The following ATRX variants were observed in gnomAD, a reference collection of about 807,000 sequenced individuals.
ATRX encodes the protein ATRX chromatin remodeler.
A neutral mutation model predicts 172.6 loss-of-function variants in ATRX; 12 were observed. That is an observed-to-expected ratio of 0.07 (90% CI 0.04 to 0.11). The LOEUF (loss-of-function observed/expected upper bound fraction) is 0.11, where lower values mean the gene tolerates loss of function less well. ATRX is among the 10% of genes least tolerant of loss of function. ATRX has a pLI of 1.00. For synonymous variants in ATRX, 674 were observed against 594.7 expected, an observed-to-expected ratio of 1.13 and a Z score of -1.94; for missense variants, 1,368 against 1,767.4, an observed-to-expected ratio of 0.77 and a Z score of 4.05.
intron 12 of ATRX, among the ~76,000 whole-genome samples, chrX:77,661,648 GCAA>G (rs1338131073): frequency 1.6e-4 from 18 of 110,535 alleles, no homozygotes; most frequent in Admixed American, 2.9e-4. Flanking sequence ...GCCCACCACA[GCAA>G]CAACAAAAAA....
intron 22 of ATRX, 88 bp from the exon 23 acceptor site, chrX:77,600,652 T>C (rs1557086683): frequency 9.7e-7 from 1 of 1,027,326 alleles, no homozygotes; most frequent in East Asian, 3.1e-5. Context: ...ACTTGTGACA[T>C]AAACACTTTT....
chrX:77,717,242 C>T lies in ATRX; in HGVS notation c.22G>A (p.Glu8Lys), dbSNP rs2073484080. ...TGCACCAATGTATTCAACTTGCTTT[C>T]ACTATTAAAACAAAATTTAAAGAAT... MTAEPMS[E>K]SKLNTLVQKL... The change falls in exon 2 of 35, where the codon GAA becomes AAA. Residue 8 changes from glutamate to lysine, a missense_variant and splice_region_variant. Coordinates refer to ENST00000373344, the MANE Select transcript of ATRX (RefSeq NM_000489.6). 1.7e-6 allele frequency: 2 copies of T among 1,191,220 alleles called. No homozygotes were observed. Among genetic ancestry groups the T allele is most frequent in the African/African-American group, 3.5e-5 (2 of 57,407 alleles).
Position 77,682,469 on chromosome X carries a change from C to G in ATRX, c.2787G>C (p.Glu929Asp), listed in dbSNP as rs782283059. 10 of 1,211,333 alleles carry G rather than the reference C, an allele frequency of 8.3e-6. No homozygotes were observed. Among genetic ancestry groups the G allele is most frequent in the Middle Eastern group, 4.6e-4 (2 of 4,354 alleles). The change falls in exon 9 of 35, where the codon GAG becomes GAC. Residue 929 changes from glutamate (E) to aspartate (D), a missense_variant. Glu to Asp is a conservative substitution (Grantham distance 45). Transcript: ENST00000373344. The part of the protein sequence containing the change: ...DGVDKLSGKE[E>D]SFTSLEVRKV... The stretch of plus-strand genomic sequence containing the variant: ...TTCTAACTTCCAAAGAAGTAAAACT[C>G]TCCTCTTTCCCAGAAAGCTTATCGA...
intron 1 of ATRX, among the ~76,000 whole-genome samples, chrX:77,725,784 TCAAA>T (rs1284760696): frequency 9.0e-6 from 1 of 110,982 alleles, no homozygotes; most frequent in Non-Finnish European, 1.9e-5. Context: ...AAGAAAAAAA[TCAAA>T]CAACCCCATC....
intron 1 of ATRX, among the ~76,000 whole-genome samples, chrX:77,736,618 A>G (rs2074580373): frequency 8.9e-6 from 1 of 112,738 alleles, no homozygotes; most frequent in South Asian, 3.6e-4. Context: ...ACAGTTGGCA[A>G]CAACGTGAAA....
intron 1 of ATRX, among the ~76,000 whole-genome samples, chrX:77,738,248 T>C (rs1238923257): frequency 9.3e-6 from 1 of 107,609 alleles, no homozygotes; most frequent in Non-Finnish European, 1.9e-5. Context: ...GGTGGGAAGA[T>C]TGCTTGACCC....
intron 1 of ATRX, among the ~76,000 whole-genome samples, chrX:77,752,896 G>A (rs75738219): frequency 3.6e-5 from 4 of 111,698 alleles, no homozygotes; most frequent in African/African-American, 6.5e-5. Context: ...TTTTCACATC[G>A]ATGGTCATCA....
chrX:77,704,120 G>A (rs1445842158), intron 2 of ATRX, among the ~76,000 whole-genome samples: 9 of 110,388 alleles, frequency 8.2e-5, no homozygotes, highest in South Asian at 3.9e-4. Flanking sequence ...TCTCTCCTTC[G>A]TCTCTGCAGC....
intron 27 of ATRX, among the ~76,000 whole-genome samples, chrX:77,576,695 T>A (rs1205452708): frequency 9.0e-6 from 1 of 111,469 alleles, no homozygotes; most frequent in African/African-American, 3.3e-5. Flanking sequence ...CATATATTTA[T>A]GAGACAGACA....
At chrX:77,744,342 C>T (rs781859420) in intron 1 of ATRX, among the ~76,000 whole-genome samples, 1 of 111,791 alleles carries the variant, frequency 8.9e-6, no homozygotes, top group African/African-American at 3.3e-5. Flanking sequence ...CACTACTGCA[C>T]GCACCCAGAA....
intron 1 of ATRX, among the ~76,000 whole-genome samples, chrX:77,779,263 A>G (rs1180403533): frequency 1.8e-5 from 2 of 108,871 alleles, no homozygotes; most frequent in Non-Finnish European, 3.8e-5. Context: ...CTCTCTATAA[A>G]GCTTTCCTTG....
rs2072255425 is a variant in ATRX, at chrX:77,697,623, A to G, written c.202T>C (p.Ser68Pro). The change falls in exon 4 of 35, where the codon TCA (serine) becomes CCA (proline). Residue 68 changes from serine (S) to proline (P), a missense_variant. Ser to Pro is a moderately conservative substitution (Grantham distance 74). This residue lies in a region of ATRX where 84 missense variants were observed against 82.8 expected (regional missense o/e 1.01). Transcript: ENST00000373344. ...ENSKEEGTSS[S>P]EKSKSSGSSR... ...GATCCTGAAGACTTGGATTTTTCTG[A>G]AGAGCTAGTTCCCTAGATGTGAGAC... 8.3e-7 allele frequency: 1 copy of G among 1,208,068 alleles called. No individual in the cohort carries two copies. The highest frequency in any genetic ancestry group is 2.2e-5 in the Admixed American group (1 of 45,679).
intron 16 of ATRX, 113 bp downstream of exon 16, chrX:77,635,802 C>T: frequency 1.5e-6 from 1 of 678,135 alleles, no homozygotes; most frequent in South Asian, 2.9e-5. Flanking sequence ...GGATTCCCCA[C>T]CCCACTCACC....
intron 1 of ATRX, among the ~76,000 whole-genome samples, chrX:77,777,191 TAAAAAAAAA>T (rs782165810): frequency 9.5e-5 from 2 of 21,036 alleles, no homozygotes; most frequent in Admixed American, 8.6e-4. Context: ...CTGTCTCTAC[TAAAAAAAAA>T]AAAAAAAAAA....
At chrX:77,589,046 T>C (rs1410283727) in intron 27 of ATRX, among the ~76,000 whole-genome samples, 1 of 112,499 alleles carries the variant, frequency 8.9e-6, no homozygotes, top group Non-Finnish European at 1.9e-5. Context: ...ACAGGCAGTG[T>C]AGAAAACAGT....
chrX:77,783,904 T>C (rs782250092), intron 1 of ATRX, among the ~76,000 whole-genome samples: 1 of 112,007 alleles, frequency 8.9e-6, no homozygotes, highest in African/African-American at 3.2e-5. Flanking sequence ...AGCTTAAGAC[T>C]CTCCTAGCAT....
At chrX:77,649,479 C>T (rs782410870) in intron 15 of ATRX, among the ~76,000 whole-genome samples, 8 of 112,052 alleles carry the variant, frequency 7.1e-5, no homozygotes, top group African/African-American at 2.3e-4. Flanking sequence ...GCTACTATAA[C>T]GAGTAAGTAA....
At chrX:77,695,376 G>A (rs1045602665) in intron 5 of ATRX, among the ~76,000 whole-genome samples, 6 of 110,965 alleles carry the variant, frequency 5.4e-5, no homozygotes, top group African/African-American at 6.5e-5. Context: ...CTTATGAAAC[G>A]GGTCTGTTTT....
At chrX:77,617,907 C>A (rs1456655042) in intron 21 of ATRX, among the ~76,000 whole-genome samples, 1 of 109,623 alleles carries the variant, frequency 9.1e-6, no homozygotes, top group Non-Finnish European at 1.9e-5. Context: ...TTTTTAGAGA[C>A]AGGGTCTTGC....
Sources: gnomAD v4.1 joint callset for allele counts (sites outside exome capture counted in the v4.1 genomes callset) on GRCh38, gnomAD v4.1.1 for gene constraint, gnomAD v4.1.1 regional missense constraint, MANE v1.5 for transcripts, NCBI Gene and HGNC (gene_info 2026-07-23, HGNC 2026-07-21) for gene names.